The following ODAD2 variants were observed in gnomAD, a reference collection of about 807,000 sequenced individuals.
ODAD2 encodes the protein outer dynein arm-docking complex subunit 2.
In ODAD2, 89 loss-of-function variants were observed where a neutral mutation model predicts 106.8. The observed-to-expected ratio is 0.83, with a 90% CI of 0.70 to 0.99. The LOEUF is 0.99. ODAD2 is among the 50% of genes least tolerant of loss of function. ODAD2 has a pLI of 0.00. For synonymous variants in ODAD2, 404 were observed against 436.2 expected (o/e 0.93, Z 0.92); for missense variants, 1,168 against 1,238.5 (o/e 0.94, Z 0.85).
intron 6 of ODAD2, among the ~76,000 whole-genome samples, 166 bp downstream of exon 6, chr10:27,983,677 C>G (rs1261667450): frequency 6.6e-6 from 1 of 152,118 alleles, no homozygotes; most frequent in Non-Finnish European, 1.5e-5. Context: ...AGAGCTAATT[C>G]TGAAGCTATT....
chr10:27,961,524 T>A (rs1848139457), intron 10 of ODAD2, 44 bp downstream of exon 10: 1 of 1,547,344 alleles, frequency 6.5e-7, no homozygotes, highest in Admixed American at 1.9e-5. Flanking sequence ...TGGGAAAGTA[T>A]TTTAAATGAA....
intron 10 of ODAD2, among the ~76,000 whole-genome samples, chr10:27,953,559 G>A (rs906765190): frequency 3.3e-5 from 5 of 151,950 alleles, no homozygotes; most frequent in African/African-American, 1.2e-4. Flanking sequence ...TATCAATAAG[G>A]CAATTGTTCA....
At chr10:27,995,567 G>A (rs1850512371) in intron 1 of ODAD2, 3 of 165,094 alleles carry the variant, frequency 1.8e-5, no homozygotes, top group Admixed American at 5.7e-5. Context: ...GCAGTTTCAG[G>A]GACAAACATT....
Position 27,988,413 on chromosome 10 carries a change from C to T in ODAD2, c.225-870G>A, listed in dbSNP as rs4579844. Among the ~76,000 whole-genome samples, 434 of 149,924 alleles carry T rather than the reference C, an allele frequency of 2.9e-3. 5 individuals carry two copies. Among genetic ancestry groups the T allele is most frequent in the African/African-American group, 0.01 (421 of 40,582 alleles). Reference sequence around the variant, plus strand: ...AGTGCAGTGGCGTGATCTCGGGTCACTGCAACCTCTGCCTCCGGAGCTCAA... The same window carrying T: ...AGTGCAGTGGCGTGATCTCGGGTCATTGCAACCTCTGCCTCCGGAGCTCAA... On this transcript the variant is annotated intron_variant, in intron 2 of 19. Transcript: ENST00000305242.
At chr10:27,964,581 G>A (rs1225109134) in intron 9 of ODAD2, among the ~76,000 whole-genome samples, 3 of 152,166 alleles carry the variant, frequency 2.0e-5, no homozygotes, top group Non-Finnish European at 2.9e-5. Context: ...AGGAAAAGCT[G>A]TGGTTTTGTT....
rs148838721 is a variant in ODAD2 at position 27,903,805 on chromosome 10, C to T, written c.2610+3858G>A. 5.5e-3 allele frequency among the ~76,000 whole-genome samples: 842 copies of T among 152,164 alleles called. 6 individuals are homozygous for T. The highest frequency in any genetic ancestry group is 0.019 in the African/African-American group (798 of 41,512). ...GGCCCCACCAATACATGCAAGAAAC[C>T]CTTCTCCTCTGAAAAGCTGGTGTCA... On this transcript the variant is annotated intron_variant, in intron 17 of 19. Coordinates refer to ENST00000305242, the MANE Select transcript of ODAD2 (RefSeq NM_018076.5).
intron 9 of ODAD2, among the ~76,000 whole-genome samples, chr10:27,963,924 A>C (rs1185597951): frequency 3.3e-5 from 5 of 152,114 alleles, no homozygotes; most frequent in African/African-American, 9.7e-5. Flanking sequence ...AGAGATAATG[A>C]GTTAAAAATA....
intron 14 of ODAD2, among the ~76,000 whole-genome samples, chr10:27,938,113 A>G (rs999654816): frequency 6.6e-6 from 1 of 151,924 alleles, no homozygotes; most frequent in African/African-American, 2.4e-5. Flanking sequence ...TTGTTTTTGT[A>G]TTTTTAGTAG....
chr10:27,990,865 T>C (rs1850191349), intron 2 of ODAD2, among the ~76,000 whole-genome samples: 1 of 152,174 alleles, frequency 6.6e-6, no homozygotes, highest in Admixed American at 6.5e-5. Flanking sequence ...GATGCATATA[T>C]ATCACTGAGA....
chr10:27,861,333 T>G (rs957139948), intron 18 of ODAD2, among the ~76,000 whole-genome samples: 3 of 152,164 alleles, frequency 2.0e-5, no homozygotes, highest in Admixed American at 2.0e-4. Flanking sequence ...AGACCAACGT[T>G]CAATCTTGAG....
intron 10 of ODAD2, among the ~76,000 whole-genome samples, chr10:27,956,876 T>C (rs1847773353): frequency 1.3e-5 from 2 of 152,240 alleles, no homozygotes; most frequent in East Asian, 3.8e-4. Context: ...CCCATTTGCA[T>C]GAATTTATAA....
intron 16 of ODAD2, among the ~76,000 whole-genome samples, chr10:27,924,614 G>GAAAAAA (rs60226782): frequency 6.3e-4 from 8 of 12,648 alleles, no homozygotes; most frequent in African/African-American, 2.1e-3. Context: ...TGATTAGGAG[G>GAAAAAA]AAAAAAAAAA....
chr10:27,963,962 C>T (rs796802479), intron 9 of ODAD2, among the ~76,000 whole-genome samples: 3 of 152,274 alleles, frequency 2.0e-5, no homozygotes, highest in African/African-American at 7.2e-5. Context: ...TGGCTCACGC[C>T]TGTAATCCCA....
chr10:27,851,641 G>A (rs1839274798), intron 19 of ODAD2, among the ~76,000 whole-genome samples: 1 of 151,906 alleles, frequency 6.6e-6, no homozygotes, highest in Non-Finnish European at 1.5e-5. Flanking sequence ...AACACAGAAA[G>A]AACAAAGTAA....
At chr10:27,944,039 T>C (rs1846669232) in intron 12 of ODAD2, among the ~76,000 whole-genome samples, 183 bp downstream of exon 12, 1 of 152,070 alleles carries the variant, frequency 6.6e-6, no homozygotes, top group African/African-American at 2.4e-5. Flanking sequence ...GATGTTTTTG[T>C]TTTGGACACT....
At chr10:27,863,960 T>A (rs1840253891) in intron 17 of ODAD2, among the ~76,000 whole-genome samples, 1 of 152,048 alleles carries the variant, frequency 6.6e-6, no homozygotes. Context: ...GGTTTGGAGT[T>A]CATTTTTAAG....
Position 27,912,520 on chromosome 10 carries a change from G to A in ODAD2, c.2496-4743C>T, listed in dbSNP as rs539052706. ...AGTTTTGCTGGCTCGCCTGCCCATT[G>A]AGGCCATATATATGAACAAATGTGA... On this transcript the variant is annotated intron_variant, in intron 16 of 19. Coordinates refer to ENST00000305242, the MANE Select transcript of ODAD2 (RefSeq NM_018076.5). 2.6e-5 allele frequency among the ~76,000 whole-genome samples: 4 copies of A among 152,206 alleles called. No homozygotes were observed. In the East Asian group the frequency reaches 5.8e-4, roughly 22 times the overall value.
chr10:27,854,537 T>C (rs902903453), intron 19 of ODAD2, among the ~76,000 whole-genome samples: 1 of 152,140 alleles, frequency 6.6e-6, no homozygotes, highest in African/African-American at 2.4e-5. Flanking sequence ...GGGCAGATCA[T>C]TTGAGGTCAA....
chr10:27,919,899 T>A (rs934402250), intron 16 of ODAD2, among the ~76,000 whole-genome samples: 1 of 152,156 alleles, frequency 6.6e-6, no homozygotes, highest in Non-Finnish European at 1.5e-5. Flanking sequence ...CTGTATACAA[T>A]TATGAAAACT....
Sources: allele counts gnomAD v4.1 joint callset (sites outside exome capture counted in the v4.1 genomes callset), GRCh38; gene constraint gnomAD v4.1.1; transcripts MANE v1.5; gene names NCBI Gene and HGNC (gene_info 2026-07-23, HGNC 2026-07-21).